Variants in VWA8 observed in about 807,000 individuals in gnomAD.
VWA8 encodes von Willebrand factor A domain containing 8, also known as von Willebrand factor A domain-containing protein 8.
VWA8 carries 221 observed loss-of-function variants against 241.5 expected under a neutral mutation model. The ratio of observed to expected loss-of-function variants is 0.91; its 90% CI spans 0.82 to 1.02. The LOEUF (loss-of-function observed/expected upper bound fraction) is 1.02, where lower values mean the gene tolerates loss of function less well. Among genes scored for constraint, VWA8 ranks in the 50% least tolerant of loss-of-function variants. The pLI, the probability that VWA8 is intolerant of heterozygous loss-of-function variation, is 0.00. For missense variants in VWA8, 2,322 were observed against 2,328.7 expected (o/e 1.00, Z 0.06); for synonymous variants, 852 against 827.1 (o/e 1.03, Z -0.52).
rs780907908 is a variant in VWA8, at chr13:41,685,187, C to T, written c.4187G>A (p.Gly1396Asp). ...KRPSSLHKRS[G>D]TDTSFYRGKK... ...TCCTCTATAGAATGATGTATCAGTG[C>T]CACTTCGTTTATGCAAAGATGATGG... is the stretch of plus-strand genomic sequence containing the variant. Residue 1396 changes from glycine (G) to aspartate (D), a missense_variant, in exon 35 of 45, where the codon GGC becomes GAC. Physicochemically the swap from Gly to Asp is moderately conservative, Grantham distance 94 (BLOSUM62 -1). Transcript: ENST00000379310. 7.4e-6 allele frequency: 12 copies of T among 1,613,282 alleles called. No individual in the cohort carries two copies. The Admixed American group carries it at 1.3e-4, about 18-fold the overall frequency.
chr13:41,861,088 T>A (rs1872980615), intron 12 of VWA8, among the ~76,000 whole-genome samples: 2 of 152,012 alleles, frequency 1.3e-5, no homozygotes, highest in South Asian at 4.2e-4. Flanking sequence ...CAATGGCACA[T>A]GAAATATTAC....
intron 43 of VWA8, among the ~76,000 whole-genome samples, chr13:41,572,705 CAT>C (rs1273793989): frequency 6.7e-6 from 1 of 148,552 alleles, no homozygotes; most frequent in East Asian, 2.1e-4. Context: ...CCCTTGTTCA[CAT>C]GTTTATCTGC....
chr13:41,637,277 G>A (rs542063784), intron 37 of VWA8, among the ~76,000 whole-genome samples: 7 of 151,430 alleles, frequency 4.6e-5, no homozygotes, highest in Admixed American at 2.0e-4. Flanking sequence ...CATGGATGAA[G>A]CTGGAAACCA....
At chr13:41,836,452 G>C (rs753554110) in intron 12 of VWA8, among the ~76,000 whole-genome samples, 2 of 152,106 alleles carry the variant, frequency 1.3e-5, no homozygotes, top group Non-Finnish European at 2.9e-5. Flanking sequence ...GAGGAATGTC[G>C]TGACTTCAGC....
chr13:41,762,398 C>T (rs368990397), intron 20 of VWA8, among the ~76,000 whole-genome samples: 11 of 152,194 alleles, frequency 7.2e-5, no homozygotes, highest in African/African-American at 2.4e-4. Context: ...CAGTCACATA[C>T]AGGTAATTCT....
chr13:41,916,404 G>C (rs1876256408), intron 2 of VWA8, among the ~76,000 whole-genome samples: 1 of 152,210 alleles, frequency 6.6e-6, no homozygotes, highest in Non-Finnish European at 1.5e-5. Context: ...TTCCCTACAA[G>C]TGTGGACCTC....
At chr13:41,957,281 G>A (rs1017166301) in intron 1 of VWA8, among the ~76,000 whole-genome samples, 14 of 152,130 alleles carry the variant, frequency 9.2e-5, no homozygotes, top group Admixed American at 9.2e-4. Flanking sequence ...CTATAAAGGG[G>A]AGTTTCTGTA....
chr13:41,657,634 C>T (rs911022781), intron 37 of VWA8, among the ~76,000 whole-genome samples: 3 of 151,914 alleles, frequency 2.0e-5, no homozygotes, highest in African/African-American at 7.3e-5. Context: ...GGACTACAGG[C>T]GCCCGCCACC....
At chr13:41,621,637 C>G (rs2044658061) in intron 37 of VWA8, among the ~76,000 whole-genome samples, 1 of 152,180 alleles carries the variant, frequency 6.6e-6, no homozygotes, top group African/African-American at 2.4e-5. Flanking sequence ...CAAATATTAT[C>G]TCCCTAAGAC....
intron 43 of VWA8, among the ~76,000 whole-genome samples, chr13:41,571,334 C>CTCTCCCGTCTCCCTCTCCCG (rs374198969): frequency 1.7e-4 from 24 of 138,912 alleles, no homozygotes; most frequent in Admixed American, 7.0e-4. Flanking sequence ...TCCCGTCTCC[C>CTCTCCCGTCTCCCTCTCCCG]TCTCCCTCTC....
chr13:41,666,446 A>G (rs1046658039), intron 37 of VWA8, among the ~76,000 whole-genome samples: 2 of 152,218 alleles, frequency 1.3e-5, no homozygotes, highest in African/African-American at 4.8e-5. Context: ...GGTAACTGCC[A>G]TAATTCTCTT....
At chr13:41,701,551 C>T in intron 27 of VWA8, 21 bp from the exon 28 acceptor site, 21 of 1,513,932 alleles carry the variant, frequency 1.4e-5, no homozygotes, top group Non-Finnish European at 1.7e-5. Flanking sequence ...GCAGTTATCT[C>T]AGTTAAGATA....
intron 3 of VWA8, among the ~76,000 whole-genome samples, chr13:41,908,474 G>C (rs1481213230): frequency 6.6e-6 from 1 of 151,438 alleles, no homozygotes; most frequent in Admixed American, 6.6e-5. Context: ...TCCATCTCAA[G>C]GGAAAAAAAA....
intron 17 of VWA8, among the ~76,000 whole-genome samples, chr13:41,790,091 A>G (rs1464176385): frequency 1.3e-5 from 2 of 152,174 alleles, no homozygotes; most frequent in African/African-American, 4.8e-5. Context: ...GTGATGGTTA[A>G]TATCTGCTAG....
intron 2 of VWA8, among the ~76,000 whole-genome samples, chr13:41,923,503 G>A (rs1876668471): frequency 6.6e-6 from 1 of 152,000 alleles, no homozygotes; most frequent in Non-Finnish European, 1.5e-5. Context: ...TTTTGCCTTG[G>A]AAAGTGAACC....
At chr13:41,843,219 T>TA (rs946823411) in intron 12 of VWA8, among the ~76,000 whole-genome samples, 1 of 152,130 alleles carries the variant, frequency 6.6e-6, no homozygotes, top group African/African-American at 2.4e-5. Context: ...TGCAATAGAC[T>TA]AAAACCCCAG....
At chr13:41,759,277 T>C (rs566999547) in intron 21 of VWA8, among the ~76,000 whole-genome samples, 89 of 151,786 alleles carry the variant, frequency 5.9e-4, no homozygotes, top group African/African-American at 2.0e-3. Flanking sequence ...CATATTTATT[T>C]CTCAGGAGAA....
chr13:41,897,217 C>CA (rs372450107), intron 4 of VWA8, among the ~76,000 whole-genome samples: 1,449 of 143,150 alleles, frequency 0.01, 28 homozygotes, highest in African/African-American at 0.027. Flanking sequence ...AAATCAATTG[C>CA]AAAAAAAAAA....
At chr13:41,942,623 A>G (rs1333951271) in intron 2 of VWA8, among the ~76,000 whole-genome samples, 3 of 152,098 alleles carry the variant, frequency 2.0e-5, no homozygotes, top group African/African-American at 7.2e-5. Context: ...CTCCTTCCCA[A>G]CAGTCCTTAC....
Sources: gnomAD v4.1 joint callset for allele counts (sites outside exome capture counted in the v4.1 genomes callset) on GRCh38, gnomAD v4.1.1 for gene constraint, MANE v1.5 for transcripts, NCBI Gene and HGNC (gene_info 2026-07-23, HGNC 2026-07-21) for gene names.